SYCE1L: variants seen among roughly 807,000 people sequenced by gnomAD.
SYCE1L encodes the protein synaptonemal complex central element protein 1 like.
SYCE1L carries 51 observed loss-of-function variants against 39.6 expected under a neutral mutation model. The ratio of observed to expected loss-of-function variants is 1.29; its 90% confidence interval spans 1.03 to 1.63. The LOEUF (loss-of-function observed/expected upper bound fraction) is 1.63, where lower values mean the gene tolerates loss of function less well. Ranked by LOEUF, SYCE1L falls within the 40% of genes most tolerant of loss-of-function variation. SYCE1L has a pLI of 0.00. For missense variants in SYCE1L, 426 were observed against 304.9 expected, an observed-to-expected ratio of 1.40 and a Z score of -2.96; for synonymous variants, 147 against 122.4, an observed-to-expected ratio of 1.20 and a Z score of -1.33.
intron 5 of SYCE1L, 117 bp downstream of exon 5, chr16:77,209,261 G>A: frequency 2.2e-6 from 3 of 1,359,368 alleles, no homozygotes; most frequent in South Asian, 1.3e-5. Context: ...TTCCCTCTCT[G>A]CACAGATCTC....
At chr16:77,202,618 G>A (rs189929276) in intron 1 of SYCE1L, among the ~76,000 whole-genome samples, 24 of 152,306 alleles carry the variant, frequency 1.6e-4, no homozygotes, top group African/African-American at 5.3e-4. Context: ...GGAAATTAAT[G>A]TATAGCCTGG....
chr16:77,206,296 C>T (rs901619103), intron 1 of SYCE1L, 145 bp from the exon 2 acceptor site: 1 of 668,314 alleles, frequency 1.5e-6, no homozygotes, highest in Non-Finnish European at 2.6e-6. Flanking sequence ...AGACGGGGGC[C>T]CTGCTTCAGA....
At chr16:77,209,368 C>T (rs1244616444) in intron 5 of SYCE1L, 49 bp from the exon 6 acceptor site, 2 of 1,548,898 alleles carry the variant, frequency 1.3e-6, no homozygotes, top group Admixed American at 3.9e-5. Flanking sequence ...CTGGCCAACC[C>T]TGACTCCCCA....
rs1404759177 is a variant in SYCE1L, at chr16:77,212,622, C to A, written c.630C>A (p.Pro210=). 7.2e-6 allele frequency: 11 copies of A among 1,534,994 alleles called. No homozygotes were observed. Among genetic ancestry groups the A allele is most frequent in the South Asian group, 1.2e-5 (1 of 83,942 alleles). ...EIFGEQVRSA[P]EVGAGEGEAG... ...TCGGGGAGCAGGTCCGGAGCGCCCC[C>A]GAGGTCGGGGCCGGCGAGGGAGAGG... Residue 210 remains proline (P), a synonymous_variant, in exon 10 of 11, where the codon CCC becomes CCA. Transcript: ENST00000378644.
Position 77,212,312 on chromosome 16 carries a change from T to C in SYCE1L, c.524T>C (p.Val175Ala). Residue 175 changes from valine (V) to alanine (A), a missense_variant, in exon 9 of 11, where the codon GTG becomes GCG. Coordinates refer to ENST00000378644, the MANE Select transcript of SYCE1L (RefSeq NM_001129979.3). ...RRLVRAKLRE[V>A]ERRLHSPPEV... ...CTGGTGCGCGCCAAGCTGCGGGAGG[T>C]GGAGCGGCGGCTGCACTCGCCGCCT... The C allele has an allele frequency of 6.6e-7, 1 of 1,521,608 alleles. No homozygotes were observed. Among genetic ancestry groups the C allele is most frequent in the Non-Finnish European group, 8.8e-7 (1 of 1,136,268 alleles). 94.3% of individuals were successfully genotyped at this position (1,521,608 alleles called of 1,614,324 possible). A position where few individuals can be genotyped will look rare whatever the true frequency, so the allele number is the denominator to read the frequency against.
rs927063158 is a variant in SYCE1L, at chr16:77,213,147, A to T, written c.*216A>T. 7.1e-6 allele frequency: 3 copies of T among 424,984 alleles called. No individual in the cohort carries two copies. Among genetic ancestry groups the T allele is most frequent in the Non-Finnish European group, 1.2e-5 (3 of 242,960 alleles). The allele number at this position is 424,984 out of a possible 1,614,324, so 26.3% of individuals were successfully genotyped here. ...AGGCTGGGTAAATGCTCCTGAACTC[A>T]GAGAGAGTAAGTGGGTGTCAGTATC... On this transcript the variant is annotated 3_prime_UTR_variant, in exon 11 of 11. Coordinates refer to ENST00000378644, the MANE Select transcript of SYCE1L (RefSeq NM_001129979.3).
intron 2 of SYCE1L, among the ~76,000 whole-genome samples, chr16:77,207,654 C>T (rs145353827): frequency 3.9e-5 from 6 of 152,166 alleles, no homozygotes; most frequent in Admixed American, 6.5e-5. Flanking sequence ...AAGGCTTCCA[C>T]GGTGGCCCAA....
intron 1 of SYCE1L, among the ~76,000 whole-genome samples, chr16:77,203,987 T>A (rs967235280): frequency 2.0e-5 from 3 of 152,152 alleles, no homozygotes; most frequent in Non-Finnish European, 2.9e-5. Flanking sequence ...GGAGTGGAAT[T>A]TCTGATCAAG....
At chr16:77,206,078 A>T (rs2054783793) in intron 1 of SYCE1L, among the ~76,000 whole-genome samples, 1 of 152,158 alleles carries the variant, frequency 6.6e-6, no homozygotes, top group Non-Finnish European at 1.5e-5. Flanking sequence ...ATTTCAAAGA[A>T]ATTCATATGA....
intron 1 of SYCE1L, 40 bp from the exon 2 acceptor site, chr16:77,206,401 C>T (rs1382195237): frequency 2.1e-5 from 33 of 1,541,706 alleles, no homozygotes; most frequent in Non-Finnish European, 2.6e-5. Context: ...TCCCCTCTCA[C>T]TCTCGCTGTG....
At position 77,204,982 on chromosome 16, in the gene SYCE1L, T is replaced by G. The variant is rs529502839; in HGVS notation, c.62-1459T>G. On this transcript the variant is annotated intron_variant, in intron 1 of 10. Transcript: ENST00000378644. ...ATCGCTTGAACCTGGGAGGCAGAGGTTGCAGTGAGCTGAGATCGTGCCACT... is the reference window on the plus strand; with the variant it reads ...ATCGCTTGAACCTGGGAGGCAGAGGGTGCAGTGAGCTGAGATCGTGCCACT... Among the ~76,000 whole-genome samples the G allele has an allele frequency of 1.6e-3, 236 of 148,846 alleles. 1 individual carries two copies. The highest frequency in any genetic ancestry group is 5.6e-3 in the African/African-American group (229 of 40,698).
chr16:77,205,754 G>T (rs950777783), intron 1 of SYCE1L, among the ~76,000 whole-genome samples: 4 of 151,780 alleles, frequency 2.6e-5, no homozygotes, highest in African/African-American at 9.7e-5. Flanking sequence ...CCGCTTTTTT[G>T]TTTTTGGTGG....
chr16:77,210,617 G>C (rs2054815883), intron 6 of SYCE1L, among the ~76,000 whole-genome samples: 1 of 152,024 alleles, frequency 6.6e-6, no homozygotes, highest in Non-Finnish European at 1.5e-5. Flanking sequence ...CCAGGGTCTC[G>C]GTGAAGTAAC....
chr16:77,211,864 C>G (rs1029114187), intron 7 of SYCE1L, among the ~76,000 whole-genome samples: 1 of 151,762 alleles, frequency 6.6e-6, no homozygotes, highest in African/African-American at 2.4e-5. Context: ...TGCCTGAAAC[C>G]GTTGAGGAGC....
intron 2 of SYCE1L, 113 bp from the exon 3 acceptor site, chr16:77,208,097 C>T (rs753667065): frequency 6.4e-6 from 7 of 1,088,040 alleles, no homozygotes; most frequent in South Asian, 3.3e-5. Flanking sequence ...ACACAGCAGG[C>T]GCTCAATATA....
chr16:77,212,504 T>C, intron 9 of SYCE1L, 70 bp from the exon 10 acceptor site: 5 of 1,538,510 alleles, frequency 3.2e-6, no homozygotes, highest in Non-Finnish European at 4.4e-6. Context: ...TCTCCGCGTC[T>C]CGGTGGCTTC....
intron 1 of SYCE1L, among the ~76,000 whole-genome samples, chr16:77,204,642 G>C (rs1204023710): frequency 6.6e-6 from 1 of 152,164 alleles, no homozygotes; most frequent in Non-Finnish European, 1.5e-5. Flanking sequence ...CCACACAGTG[G>C]AATGCCATGC....
intron 4 of SYCE1L, 57 bp downstream of exon 4, chr16:77,208,596 C>G: frequency 1.3e-6 from 2 of 1,518,286 alleles, no homozygotes; most frequent in Non-Finnish European, 1.8e-6. Flanking sequence ...GTGCATACCT[C>G]AGGGCCTTTG....
At chr16:77,210,463 C>A (rs932597299) in intron 6 of SYCE1L, among the ~76,000 whole-genome samples, 1 of 152,224 alleles carries the variant, frequency 6.6e-6, no homozygotes, top group Admixed American at 6.5e-5. Context: ...ACACTACTCA[C>A]ACTGTATGAT....
Sources: gnomAD v4.1 joint callset for allele counts (sites outside exome capture counted in the v4.1 genomes callset) on GRCh38, gnomAD v4.1.1 for gene constraint, MANE v1.5 for transcripts, NCBI Gene and HGNC (gene_info 2026-07-23, HGNC 2026-07-21) for gene names.